The following TAOK1 variants were observed in gnomAD, a reference collection of about 807,000 sequenced individuals.
The protein encoded by TAOK1 is TAO kinase 1.
In TAOK1, 21 loss-of-function variants were observed where a neutral mutation model predicts 138.3. The observed-to-expected ratio is 0.15, with a 90% CI of 0.11 to 0.22. The LOEUF (loss-of-function observed/expected upper bound fraction) is 0.22. Ranked by LOEUF, TAOK1 falls within the 10% of genes least tolerant of loss-of-function variation. The pLI is 1.00. For synonymous variants in TAOK1, 361 were observed against 398.4 expected (o/e 0.91, Z 1.12); for missense variants, 651 against 1,227.7 (o/e 0.53, Z 7.02).
rs1567736989 is a variant in TAOK1 at position 29,502,689 on chromosome 17, G to A, written c.1304G>A (p.Arg435Gln). Residue 435 changes from arginine (R) to glutamine (Q), a missense_variant, in exon 13 of 20, where the codon CGA becomes CAA. Physicochemically the swap from Arg to Gln is conservative, Grantham distance 43. Transcript: ENST00000261716. ...CGTCACAAATCACACTATCGTAATC[G>A]AGAACACTTTGCTACTATACGGACA... ...VSRHKSHYRN[R>Q]EHFATIRTAS... 2.5e-6 allele frequency: 4 copies of A among 1,613,636 alleles called. No individual in the cohort carries two copies. The highest frequency in any genetic ancestry group is 1.3e-5 in the African/African-American group (1 of 74,876).
intron 13 of TAOK1, among the ~76,000 whole-genome samples, chr17:29,504,398 G>A (rs1328113004): frequency 2.6e-5 from 4 of 151,902 alleles, no homozygotes; most frequent in African/African-American, 4.8e-5. Flanking sequence ...GGCCAGGCGT[G>A]GTGGCTCACA....
chr17:29,431,176 A>T (rs1371478960), intron 1 of TAOK1, among the ~76,000 whole-genome samples: 2 of 152,254 alleles, frequency 1.3e-5, no homozygotes, highest in East Asian at 1.9e-4. Flanking sequence ...AATTTTGTTT[A>T]AAAAAACTCC....
Position 29,546,847 on chromosome 17 carries a change from T to C in TAOK1, c.*3825T>C, listed in dbSNP as rs2032410806. The C allele has an allele frequency of 6.6e-6, 1 of 152,138 alleles. No homozygotes were observed. Among genetic ancestry groups the C allele is most frequent in the South Asian group, 2.1e-4 (1 of 4,832 alleles). 9.4% of individuals were successfully genotyped at this position (152,138 alleles called of 1,614,324 possible). ...AGTCCTCAGTTAAGGCAAGAATGCATGTGTTTCTTAAGAATGAGTACTCTG... is the reference window on the plus strand; with the variant it reads ...AGTCCTCAGTTAAGGCAAGAATGCACGTGTTTCTTAAGAATGAGTACTCTG... On this transcript the variant is annotated 3_prime_UTR_variant, in exon 20 of 20. Coordinates refer to ENST00000261716, the MANE Select transcript of TAOK1 (RefSeq NM_020791.4).
intron 1 of TAOK1, among the ~76,000 whole-genome samples, chr17:29,404,715 A>T (rs1425119420): frequency 6.6e-6 from 1 of 152,076 alleles, no homozygotes; most frequent in Non-Finnish European, 1.5e-5. Flanking sequence ...GCTGGAACCT[A>T]GGAGGATGGA....
chr17:29,471,371 C>T (rs1878101586), intron 3 of TAOK1, among the ~76,000 whole-genome samples: 1 of 145,244 alleles, frequency 6.9e-6, no homozygotes, highest in Non-Finnish European at 1.5e-5. Flanking sequence ...CCTTCGCCTC[C>T]CGGGTTCAAG....
At chr17:29,470,002 T>C (rs563667594) in intron 3 of TAOK1, among the ~76,000 whole-genome samples, 2 of 152,316 alleles carry the variant, frequency 1.3e-5, no homozygotes, top group East Asian at 3.9e-4. Flanking sequence ...TTAAATCTAG[T>C]ATACAACATT....
intron 8 of TAOK1, among the ~76,000 whole-genome samples, chr17:29,485,589 T>C (rs1443132723): frequency 6.6e-6 from 1 of 152,090 alleles, no homozygotes. Flanking sequence ...CAGTGAGCTA[T>C]AATTATGCTA....
At chr17:29,451,705 G>A (rs747684099) in intron 2 of TAOK1, 25 bp downstream of exon 2, 3 of 1,602,252 alleles carry the variant, frequency 1.9e-6, no homozygotes, top group Non-Finnish European at 2.6e-6. Flanking sequence ...CTTGATGTCA[G>A]TGACTAAAAT....
intron 19 of TAOK1, among the ~76,000 whole-genome samples, chr17:29,538,396 G>A (rs2032260226): frequency 6.6e-6 from 1 of 152,110 alleles, no homozygotes; most frequent in Admixed American, 6.6e-5. Flanking sequence ...AAGAACAATA[G>A]GATGGTACAT....
intron 1 of TAOK1, among the ~76,000 whole-genome samples, chr17:29,439,726 T>C (rs1249714051): frequency 3.3e-5 from 5 of 152,034 alleles, no homozygotes; most frequent in South Asian, 4.2e-4. Context: ...GTTATAGATA[T>C]CTAAATAGTC....
rs768705849 is a variant in TAOK1, at chr17:29,517,563, A to G, written c.1815A>G (p.Arg605=). 6.2e-7 allele frequency: 1 copy of G among 1,614,104 alleles called. No homozygotes were observed. Among genetic ancestry groups the G allele is most frequent in the Non-Finnish European group, 8.5e-7 (1 of 1,180,028 alleles). The change falls in exon 16 of 20, where the codon CGA becomes CGG. Residue 605 remains arginine (R), a synonymous_variant. Coordinates refer to ENST00000261716, the MANE Select transcript of TAOK1 (RefSeq NM_020791.4). The part of the protein sequence containing the change: ...FQAEEEANLL[R]RQRQYLELEC... The stretch of plus-strand genomic sequence containing the variant: ...CAGAAGAAGAAGCTAACCTTCTTCG[A>G]CGTCAAAGACAATACCTAGAGCTGG...
At chr17:29,511,021 A>G in intron 15 of TAOK1, 29 bp downstream of exon 15, 1 of 1,564,720 alleles carries the variant, frequency 6.4e-7, no homozygotes, top group African/African-American at 1.4e-5. Flanking sequence ...TTTCCAAGCA[A>G]ATTTTCTGCT....
In TAOK1 at chr17:29,495,719, G is replaced by A; in HGVS notation, c.991G>A (p.Glu331Lys). ...HNGPAVEAQE[E>K]EEEQDHGVGR... ...TGGACCAGCAGTAGAAGCACAGGAA[G>A]AAGAAGAGGTAAGAGATAAAAAAAT... is the stretch of plus-strand genomic sequence containing the variant. Residue 331 changes from glutamate (E) to lysine (K), a missense_variant, in exon 11 of 20, where the codon GAA becomes AAA. Around this residue, in one of 8 missense-constraint regions of TAOK1, gnomAD observed 104 missense variants for 151.7 expected, o/e 0.69. Coordinates refer to ENST00000261716, the MANE Select transcript of TAOK1 (RefSeq NM_020791.4). 1 of 1,600,904 alleles carries A rather than the reference G, an allele frequency of 6.2e-7. No individual in the cohort carries two copies. Among genetic ancestry groups the A allele is most frequent in the Non-Finnish European group, 8.5e-7 (1 of 1,173,154 alleles).
intron 1 of TAOK1, among the ~76,000 whole-genome samples, chr17:29,449,978 A>G (rs1054024067): frequency 4.6e-5 from 7 of 152,212 alleles, no homozygotes; most frequent in Admixed American, 2.0e-4. Flanking sequence ...GCTTTCATTT[A>G]TTAACTCATT....
chr17:29,446,684 G>A (rs1166766418), intron 1 of TAOK1, among the ~76,000 whole-genome samples: 2 of 151,730 alleles, frequency 1.3e-5, no homozygotes, highest in Non-Finnish European at 2.9e-5. Flanking sequence ...GTCAACAGTG[G>A]ACCACGTACA....
intron 2 of TAOK1, among the ~76,000 whole-genome samples, chr17:29,457,402 C>CTTTTTTT (rs769026325): frequency 3.9e-5 from 3 of 76,596 alleles, no homozygotes; most frequent in African/African-American, 1.2e-4. Flanking sequence ...CACCCCAGGC[C>CTTTTTTT]TTTTTTTTTT....
intron 1 of TAOK1, among the ~76,000 whole-genome samples, chr17:29,410,619 G>GC (rs1905115984): frequency 7.9e-6 from 1 of 125,990 alleles, no homozygotes; most frequent in Non-Finnish European, 1.6e-5. Context: ...AGGGTTTTTT[G>GC]TTTTTTTTTT....
intron 17 of TAOK1, among the ~76,000 whole-genome samples, chr17:29,523,545 G>C (rs564401268): frequency 6.6e-6 from 1 of 152,010 alleles, no homozygotes; most frequent in Non-Finnish European, 1.5e-5. Context: ...CTGCCACCAC[G>C]CCCGGCTAAT....
At chr17:29,531,331 T>C (rs2032103667) in intron 18 of TAOK1, among the ~76,000 whole-genome samples, 1 of 151,940 alleles carries the variant, frequency 6.6e-6, no homozygotes, top group South Asian at 2.1e-4. Flanking sequence ...CAGGCTGCAT[T>C]GCAGTAGTGC....
Sources: allele counts gnomAD v4.1 joint callset (sites outside exome capture counted in the v4.1 genomes callset), GRCh38; gene constraint gnomAD v4.1.1; regional missense constraint gnomAD v4.1.1; transcripts MANE v1.5; gene names NCBI Gene and HGNC (gene_info 2026-07-23, HGNC 2026-07-21).